The following RABEP1 variants were observed in gnomAD, a reference collection of about 807,000 sequenced individuals.
The protein encoded by RABEP1 is rabaptin, RAB GTPase binding effector protein 1.
A neutral mutation model predicts 123.4 loss-of-function variants in RABEP1; 51 were observed. The ratio of observed to expected loss-of-function variants is 0.41; its 90% CI spans 0.33 to 0.52. The LOEUF is 0.52. Ranked by LOEUF, RABEP1 falls within the 20% of genes least tolerant of loss-of-function variation. RABEP1 has a pLI of 0.16. For missense variants in RABEP1, 888 were observed against 996.3 expected, an observed-to-expected ratio of 0.89 and a Z score of 1.46; for synonymous variants, 347 against 355.2, an observed-to-expected ratio of 0.98 and a Z score of 0.26.
Position 5,350,446 on chromosome 17 carries a change from A to T in RABEP1, c.785-5A>T. The T allele has an allele frequency of 6.2e-7, 1 of 1,605,812 alleles. No homozygotes were observed. The highest frequency in any genetic ancestry group is 1.3e-5 in the African/African-American group (1 of 74,406). Reference sequence around the variant, plus strand: ...TTGATTTGTGGTGGGGGGGTTCCTAAACAGTTTGCCATCTCTTGGAGCAAG... The same window carrying T: ...TTGATTTGTGGTGGGGGGGTTCCTATACAGTTTGCCATCTCTTGGAGCAAG... On this transcript the variant is annotated splice_polypyrimidine_tract_variant and splice_region_variant and intron_variant, in intron 6 of 17. Transcript: ENST00000537505.
chr17:5,370,046 C>G (rs745521983), intron 12 of RABEP1, among the ~76,000 whole-genome samples: 6 of 152,182 alleles, frequency 3.9e-5, no homozygotes, highest in Non-Finnish European at 8.8e-5. Flanking sequence ...ACTTTTCAAG[C>G]TGGTTTCACT....
rs1435509509 is a variant in RABEP1, at chr17:5,386,114, T to A, written c.*2891T>A. The A allele has an allele frequency of 2.1e-6, 2 of 959,102 alleles. No homozygotes were observed. The highest frequency in any genetic ancestry group is 3.4e-5 in the African/African-American group (2 of 59,436). The allele number at this position is 959,102 out of a possible 1,614,324, so 59.4% of individuals were successfully genotyped here. ...CCACACCAAAGGTCATCAAAACACC[T>A]TTTTATAAATTAGATAATTCTACCT... On this transcript the variant is annotated 3_prime_UTR_variant, in exon 18 of 18. Transcript: ENST00000537505.
chr17:5,285,543 A>G (rs534468931), intron 1 of RABEP1, among the ~76,000 whole-genome samples: 2 of 152,316 alleles, frequency 1.3e-5, no homozygotes, highest in South Asian at 2.1e-4. Flanking sequence ...CTTTACATAC[A>G]TAAGTCTGCA....
rs1230267912 is a variant in RABEP1, at chr17:5,331,889, T to C, written c.164-60T>C. The C allele has an allele frequency of 4.6e-5, 67 of 1,457,918 alleles. 1 individual carries two copies. The highest frequency in any genetic ancestry group is 2.6e-5 in the Non-Finnish European group (27 of 1,050,182). The allele number at this position is 1,457,918 out of a possible 1,614,324, so 90.3% of individuals were successfully genotyped here. A position where few individuals can be genotyped will look rare whatever the true frequency, so the allele number is the denominator to read the frequency against. On this transcript the variant is annotated intron_variant, in intron 2 of 17. Transcript: ENST00000537505. ...TAAAATTTAATACCTTATTTCTTTATTGGAATGCCAGTCTGATCAAAGTGA... is the reference window on the plus strand; with the variant it reads ...TAAAATTTAATACCTTATTTCTTTACTGGAATGCCAGTCTGATCAAAGTGA...
At chr17:5,378,555 A>G in intron 15 of RABEP1, 1 of 352,674 alleles carries the variant, frequency 2.8e-6, no homozygotes, top group East Asian at 7.6e-5. Flanking sequence ...TATAAAAAAC[A>G]TTACAAACAA....
intron 8 of RABEP1, among the ~76,000 whole-genome samples, chr17:5,356,928 A>C (rs538387845): frequency 5.9e-5 from 9 of 152,156 alleles, no homozygotes; most frequent in African/African-American, 2.2e-4. Flanking sequence ...CCCAGGCTGG[A>C]GTGCAGTGGC....
At chr17:5,315,899 C>G (rs945975846) in intron 2 of RABEP1, among the ~76,000 whole-genome samples, 4 of 151,972 alleles carry the variant, frequency 2.6e-5, no homozygotes, top group African/African-American at 7.2e-5. Flanking sequence ...CTTGACACAT[C>G]TTTTGTAAGA....
chr17:5,358,654 G>C (rs1909233150), intron 8 of RABEP1, among the ~76,000 whole-genome samples: 1 of 150,310 alleles, frequency 6.7e-6, no homozygotes, highest in Non-Finnish European at 1.5e-5. Context: ...CTGAGTGACA[G>C]AGCGAGACTG....
At position 5,349,367 on chromosome 17, in the gene RABEP1, C is replaced by T. The variant is rs16954556; in HGVS notation, c.785-1084C>T. The stretch of plus-strand genomic sequence containing the variant: ...AGATATATCATATTGCAGAGAAGGC[C>T]GAGTTAGCAGGTCTCTGTCATAGTT... On this transcript the variant is annotated intron_variant, in intron 6 of 17. Transcript: ENST00000537505. 7.4e-3 allele frequency among the ~76,000 whole-genome samples: 1,121 copies of T among 152,160 alleles called. 11 individuals carry two copies. Among genetic ancestry groups the T allele is most frequent in the African/African-American group, 0.026 (1,062 of 41,520 alleles).
At chr17:5,374,866 A>G (rs1253029739) in intron 13 of RABEP1, among the ~76,000 whole-genome samples, 1 of 151,764 alleles carries the variant, frequency 6.6e-6, no homozygotes, top group Non-Finnish European at 1.5e-5. Context: ...CTGGTCTCCA[A>G]CTCCTGACCT....
At position 5,358,657 on chromosome 17, in the gene RABEP1, C is replaced by T. The variant is rs375506806; in HGVS notation, c.1096-2551C>T. ...CTGCACTCCAGCCTGAGTGACAGAG[C>T]GAGACTGTCTCCAGGAAAAAAAAAA... On this transcript the variant is annotated intron_variant, in intron 8 of 17. Coordinates refer to ENST00000537505, the MANE Select transcript of RABEP1 (RefSeq NM_004703.6). 7.4e-5 allele frequency among the ~76,000 whole-genome samples: 11 copies of T among 148,246 alleles called. 1 individual carries two copies. Among genetic ancestry groups the T allele is most frequent in the East Asian group, 6.3e-4 (3 of 4,780 alleles).
At chr17:5,363,217 TTTTTG>T (rs1909715903) in intron 10 of RABEP1, among the ~76,000 whole-genome samples, 1 of 145,584 alleles carries the variant, frequency 6.9e-6, no homozygotes, top group Non-Finnish European at 1.5e-5. Context: ...TTTTTTTTTG[TTTTTG>T]TTTTTGTTTG....
At chr17:5,329,384 A>G (rs1479014163) in intron 2 of RABEP1, among the ~76,000 whole-genome samples, 1 of 151,962 alleles carries the variant, frequency 6.6e-6, no homozygotes, top group African/African-American at 2.4e-5. Context: ...TACAAAAATT[A>G]GCTGGGCGTG....
rs111228095 is a variant in RABEP1 at position 5,361,291 on chromosome 17, G to A, written c.1179G>A (p.Ser393=). 5.9e-4 allele frequency: 946 copies of A among 1,614,060 alleles called. 1 individual carries two copies. The highest frequency in any genetic ancestry group is 6.6e-4 in the Middle Eastern group (4 of 6,062). ...LLPSGDPFSK[S]DNDMFKDGLR... ...CATCTGGAGATCCTTTCAGTAAATC[G>A]GACAATGACATGTTTAAAGATGGAC... The change falls in exon 9 of 18, where the codon TCG becomes TCA. Residue 393 remains serine, a synonymous_variant. Transcript: ENST00000537505.
At chr17:5,345,049 A>G (rs138778960) in intron 5 of RABEP1, among the ~76,000 whole-genome samples, 217 of 152,360 alleles carry the variant, frequency 1.4e-3, no homozygotes, top group African/African-American at 4.7e-3. Flanking sequence ...AAGGAGTGTG[A>G]AAAGATAGTC....
intron 11 of RABEP1, 66 bp from the exon 12 acceptor site, chr17:5,368,304 A>G: frequency 9.1e-7 from 1 of 1,094,516 alleles, no homozygotes; most frequent in Non-Finnish European, 1.4e-6. Flanking sequence ...TAGTTAGAAG[A>G]TGGAAGAGTT....
chr17:5,350,564 C>T lies in RABEP1; in HGVS notation c.898C>T (p.Arg300Ter), dbSNP rs1454046257. ...GCGTTTACTGATGAGAGACATGCAG[C>T]GAATGGAGATTGTGCTAACTTCAGA... ...SQRLLMRDMQ[R>*]MEIVLTSEQL... Residue 300 changes from arginine (R) to a stop codon, truncating the protein, a stop_gained, in exon 7 of 18, where the codon CGA becomes TGA. Coordinates refer to ENST00000537505, the MANE Select transcript of RABEP1 (RefSeq NM_004703.6). LOFTEE classifies it high-confidence loss of function. The T allele has an allele frequency of 6.2e-7, 1 of 1,614,018 alleles. No individual in the cohort carries two copies. Among genetic ancestry groups the T allele is most frequent in the Non-Finnish European group, 8.5e-7 (1 of 1,179,984 alleles).
intron 15 of RABEP1, chr17:5,378,557 TACAA>T: frequency 2.9e-6 from 1 of 350,436 alleles, no homozygotes; most frequent in Non-Finnish European, 5.3e-6. Flanking sequence ...TAAAAAACAT[TACAA>T]ACAAGAGATG....
At chr17:5,339,257 C>G (rs556908750) in intron 5 of RABEP1, among the ~76,000 whole-genome samples, 1 of 152,188 alleles carries the variant, frequency 6.6e-6, no homozygotes, top group Non-Finnish European at 1.5e-5. Context: ...TAAACTGATA[C>G]CTATGTTTAA....
Sources: allele counts gnomAD v4.1 joint callset (sites outside exome capture counted in the v4.1 genomes callset), GRCh38; gene constraint gnomAD v4.1.1; transcripts MANE v1.5; gene names NCBI Gene and HGNC (gene_info 2026-07-23, HGNC 2026-07-21).